KIF14: variants seen among roughly 807,000 people sequenced by gnomAD.
KIF14 encodes the protein kinesin-like protein KIF14.
A neutral mutation model predicts 176.2 loss-of-function variants in KIF14; 98 were observed. That is an observed-to-expected ratio of 0.56 (90% CI 0.47 to 0.66). The LOEUF is 0.66. Among genes scored for constraint, KIF14 ranks in the 30% least tolerant of loss-of-function variants. The pLI is 0.00. For synonymous variants in KIF14, 566 were observed against 632.2 expected (o/e 0.90, Z 1.57); for missense variants, 1,751 against 1,920.4 (o/e 0.91, Z 1.65).
At position 200,603,283 on chromosome 1, in the gene KIF14, G is replaced by GA; in HGVS notation, c.1921dup (p.Ser641PhefsTer15). On this transcript the variant is annotated frameshift_variant, in exon 10 of 30. Coordinates refer to ENST00000367350, the MANE Select transcript of KIF14 (RefSeq NM_014875.3). LOFTEE classifies it high-confidence loss of function. ...AACACTCCTTTGGTTTGCTTGTTCC[G>GA]AAAGTGCAGATATAACTTTTCCCAA... The GA allele has an allele frequency of 6.2e-7, 1 of 1,609,202 alleles. No homozygotes were observed. Among genetic ancestry groups the GA allele is most frequent in the Non-Finnish European group, 8.5e-7 (1 of 1,176,738 alleles).
At chr1:200,565,788 A>T (rs1657415810) in intron 23 of KIF14, 119 bp from the exon 24 acceptor site, 1 of 667,974 alleles carries the variant, frequency 1.5e-6, no homozygotes, top group Admixed American at 3.4e-5. Context: ...ACAACAACAA[A>T]GCATTTTTGT....
chr1:200,569,924 A>G lies in KIF14; in HGVS notation c.3648T>C (p.Ser1216=), dbSNP rs1657684189. The change falls in exon 23 of 30, where the codon TCT becomes TCC. Residue 1216 remains serine, a synonymous_variant. Coordinates refer to ENST00000367350, the MANE Select transcript of KIF14 (RefSeq NM_014875.3). ...AGAAAAAAATACCTGATGAATGTGA[A>G]GAATGCAAATTCTTAATTGGATGGA... The part of the protein sequence containing the change: ...IQVHPIKNLH[S]SHSSGLMDKS... The G allele has an allele frequency of 2.5e-6, 4 of 1,588,610 alleles. No homozygotes were observed. Among genetic ancestry groups the G allele is most frequent in the Admixed American group, 1.7e-5 (1 of 59,338 alleles).
At chr1:200,598,716 G>A (rs1000734262) in intron 13 of KIF14, among the ~76,000 whole-genome samples, 40 of 151,906 alleles carry the variant, frequency 2.6e-4, no homozygotes, top group African/African-American at 8.0e-4. Flanking sequence ...ATGCCACCAC[G>A]CCCGGCTAAT....
intron 19 of KIF14, 76 bp from the exon 20 acceptor site, chr1:200,581,370 TA>T (rs992355183): frequency 5.1e-3 from 3,107 of 610,736 alleles, no homozygotes; most frequent in South Asian, 9.2e-3. Context: ...AAACAATTCC[TA>T]AAAAAAAAAT....
chr1:200,585,202 C>T (rs1340227116), intron 19 of KIF14, among the ~76,000 whole-genome samples: 2 of 146,178 alleles, frequency 1.4e-5, no homozygotes, highest in Non-Finnish European at 3.0e-5. Context: ...GTATTGTATA[C>T]TTGAAATAAG....
In KIF14 at chr1:200,615,346, A is replaced by G; in HGVS notation, c.1367+9T>C. 6.2e-7 allele frequency: 1 copy of G among 1,604,310 alleles called. No individual in the cohort carries two copies. Among genetic ancestry groups the G allele is most frequent in the South Asian group, 1.1e-5 (1 of 89,762 alleles). ...ACTTCTGGATAATTGCATTTCCAAT[A>G]CAACTTACGTATATGATTTTCCAGA... On this transcript the variant is annotated intron_variant, in intron 3 of 29. Transcript: ENST00000367350.
At position 200,580,308 on chromosome 1, in the gene KIF14, G is replaced by A; in HGVS notation, c.3411C>T (p.Phe1137=). Residue 1137 remains phenylalanine (F), a synonymous_variant, in exon 21 of 30, where the codon TTC becomes TTT. Transcript: ENST00000367350. ...TAGATTCAAACTTTTCCAGACTCCA[G>A]AATGTTGAGATTCCTAGTTTCAGGT... is the stretch of plus-strand genomic sequence containing the variant. The part of the protein sequence containing the change: ...VRNLKLGIST[F]WSLEKFESKL... 1 of 1,526,418 alleles carries A rather than the reference G, an allele frequency of 6.6e-7. No individual in the cohort carries two copies. The highest frequency in any genetic ancestry group is 8.8e-7 in the Non-Finnish European group (1 of 1,130,096). 94.6% of individuals were successfully genotyped at this position (1,526,418 alleles called of 1,614,324 possible). A position where few individuals can be genotyped will look rare whatever the true frequency, so the allele number is the denominator to read the frequency against.
At chr1:200,595,220 T>A (rs1659268447) in intron 14 of KIF14, among the ~76,000 whole-genome samples, 2 of 152,242 alleles carry the variant, frequency 1.3e-5, no homozygotes, top group Non-Finnish European at 2.9e-5. Flanking sequence ...AGGGTTTAAG[T>A]TAGAAGTCAA....
chr1:200,559,872 A>T (rs753581758), intron 26 of KIF14, among the ~76,000 whole-genome samples: 11 of 151,574 alleles, frequency 7.3e-5, no homozygotes, highest in Admixed American at 4.0e-4. Flanking sequence ...CTCCTATCTC[A>T]GCCTCCTGAG....
rs967641725 is a variant in KIF14 at position 200,552,521 on chromosome 1, C to A, written c.*867G>T. The A allele has an allele frequency of 6.6e-6, 1 of 152,036 alleles. No individual in the cohort carries two copies. The highest frequency in any genetic ancestry group is 2.4e-5 in the African/African-American group (1 of 41,408). The allele number at this position is 152,036 out of a possible 1,614,324, so 9.4% of individuals were successfully genotyped here. On this transcript the variant is annotated 3_prime_UTR_variant, in exon 30 of 30. Transcript: ENST00000367350. The stretch of plus-strand genomic sequence containing the variant: ...CATTTTATTAGTTTTAAATAATATT[C>A]ATACAGCCCCCATTATGAAACACAG...
At chr1:200,597,914 C>T (rs1313320363) in intron 14 of KIF14, among the ~76,000 whole-genome samples, 3 of 151,972 alleles carry the variant, frequency 2.0e-5, no homozygotes, top group East Asian at 3.8e-4. Context: ...TTGGTCAATC[C>T]AACCAAAAAT....
intron 26 of KIF14, among the ~76,000 whole-genome samples, chr1:200,559,786 C>T (rs940700928): frequency 2.0e-5 from 3 of 148,988 alleles, no homozygotes; most frequent in African/African-American, 7.4e-5. Context: ...TGGAGTTTCG[C>T]TCATGTTGCC....
intron 26 of KIF14, 114 bp downstream of exon 26, chr1:200,560,608 G>T: frequency 8.7e-7 from 1 of 1,145,974 alleles, no homozygotes; most frequent in Non-Finnish European, 1.3e-6. Context: ...ACTACTAAAA[G>T]TACAAGCTAT....
intron 19 of KIF14, among the ~76,000 whole-genome samples, chr1:200,582,025 C>T (rs12143388): frequency 6.6e-6 from 1 of 152,084 alleles, no homozygotes; most frequent in Non-Finnish European, 1.5e-5. Context: ...CTGCCTCAGC[C>T]TTCCAAAATG....
intron 4 of KIF14, 95 bp downstream of exon 4, chr1:200,614,223 C>A: frequency 1.5e-6 from 1 of 646,850 alleles, no homozygotes; most frequent in Non-Finnish European, 2.7e-6. Flanking sequence ...AACTGATCTT[C>A]CATTAAGTAT....
chr1:200,575,538 C>T lies in KIF14; in HGVS notation c.3566+53G>A, dbSNP rs1457390108. On this transcript the variant is annotated intron_variant, in intron 22 of 29. Coordinates refer to ENST00000367350, the MANE Select transcript of KIF14 (RefSeq NM_014875.3). ...TATACAATTTACACACACACACACACACACACATGCACACACAAAGTGCAA... is the reference window on the plus strand; with the variant it reads ...TATACAATTTACACACACACACACATACACACATGCACACACAAAGTGCAA... 4 of 918,984 alleles carry T rather than the reference C, an allele frequency of 4.4e-6. No homozygotes were observed. The East Asian group carries it at 7.4e-5, about 17-fold the overall frequency. The allele number at this position is 918,984 out of a possible 1,614,324, so 56.9% of individuals were successfully genotyped here.
rs997644095 is a variant in KIF14, at chr1:200,553,331, C to T, written c.*57G>A. ...AACTCTCCTGCATAAAGAAAATTAC[C>T]GAGCAAGTGTTCTTTTTCTTTCATG... On this transcript the variant is annotated 3_prime_UTR_variant, in exon 30 of 30. Coordinates refer to ENST00000367350, the MANE Select transcript of KIF14 (RefSeq NM_014875.3). 9 of 1,497,416 alleles carry T rather than the reference C, an allele frequency of 6.0e-6. No individual in the cohort carries two copies. The highest frequency in any genetic ancestry group is 4.2e-5 in the South Asian group (3 of 72,288). The allele number at this position is 1,497,416 out of a possible 1,614,324, so 92.8% of individuals were successfully genotyped here.
chr1:200,619,941 T>G (rs1248651083), intron 1 of KIF14, among the ~76,000 whole-genome samples: 2 of 152,198 alleles, frequency 1.3e-5, no homozygotes, highest in African/African-American at 4.8e-5. Flanking sequence ...GTCAGCTTTG[T>G]ATCCAACTCC....
intron 19 of KIF14, among the ~76,000 whole-genome samples, chr1:200,582,248 C>T (rs1304292364): frequency 1.3e-5 from 2 of 152,082 alleles, no homozygotes; most frequent in African/African-American, 4.8e-5. Context: ...GAAGCATGCA[C>T]CTGTAGTCCT....
Sources: allele counts gnomAD v4.1 joint callset (sites outside exome capture counted in the v4.1 genomes callset), GRCh38; gene constraint gnomAD v4.1.1; transcripts MANE v1.5; gene names NCBI Gene and HGNC (gene_info 2026-07-23, HGNC 2026-07-21).